The following RASAL2 variants were observed in gnomAD, a reference collection of about 807,000 sequenced individuals.
RASAL2 encodes the protein RAS protein activator like 2.
RASAL2 carries 58 observed loss-of-function variants against 128.9 expected under a neutral mutation model. That is an observed-to-expected ratio of 0.45 (90% CI 0.36 to 0.56). The LOEUF is 0.56. RASAL2 is among the 20% of genes least tolerant of loss of function. The pLI, the probability that RASAL2 is intolerant of heterozygous loss-of-function variation, is 0.00. For missense variants in RASAL2, 1,360 were observed against 1,601.6 expected, an observed-to-expected ratio of 0.85 and a Z score of 2.57; for synonymous variants, 561 against 580.8, an observed-to-expected ratio of 0.97 and a Z score of 0.49.
chr1:178,458,055 G>C lies in RASAL2; in HGVS notation c.2763G>C (p.Ser921=). The change falls in exon 14 of 18, where the codon TCG becomes TCC. Residue 921 remains serine, a synonymous_variant. Coordinates refer to ENST00000367649, the MANE Select transcript of RASAL2 (RefSeq NM_170692.4). ...LNQPGGLQPL[S]FQNPVYHLNN... ...AGCCAGGTGGCCTTCAGCCCTTGTC[G>C]TTCCAGAACCCTGTCTATCACCTCA... The C allele has an allele frequency of 6.2e-7, 1 of 1,614,116 alleles. No individual in the cohort carries two copies. Among genetic ancestry groups the C allele is most frequent in the South Asian group, 1.1e-5 (1 of 91,078 alleles).
intron 1 of RASAL2, among the ~76,000 whole-genome samples, chr1:178,252,980 G>T (rs554910844): frequency 6.6e-6 from 1 of 152,326 alleles, no homozygotes; most frequent in African/African-American, 2.4e-5. Context: ...TAGGACTGCT[G>T]TAAGAAATTA....
intron 1 of RASAL2, among the ~76,000 whole-genome samples, chr1:178,263,083 T>C (rs912308881): frequency 1.3e-5 from 2 of 152,160 alleles, no homozygotes; most frequent in Non-Finnish European, 2.9e-5. Flanking sequence ...TGCAGTACTT[T>C]TTTTCCTCAG....
chr1:178,329,121 G>A (rs1446032075), intron 3 of RASAL2, among the ~76,000 whole-genome samples: 1 of 152,188 alleles, frequency 6.6e-6, no homozygotes, highest in Non-Finnish European at 1.5e-5. Context: ...TGCCTTCAGG[G>A]AACTTACATT....
intron 1 of RASAL2, among the ~76,000 whole-genome samples, chr1:178,173,077 A>T (rs1187430195): frequency 6.6e-6 from 1 of 152,100 alleles, no homozygotes; most frequent in Admixed American, 6.6e-5. Flanking sequence ...TTGTGGGAAT[A>T]TCCATGCATT....
intron 1 of RASAL2, among the ~76,000 whole-genome samples, chr1:178,227,269 C>T (rs945700745): frequency 2.0e-5 from 3 of 151,952 alleles, no homozygotes. Flanking sequence ...TACAGTTTAG[C>T]GTCTTGTCTT....
chr1:178,247,578 CA>C (rs1207407138), intron 1 of RASAL2, among the ~76,000 whole-genome samples: 2 of 152,084 alleles, frequency 1.3e-5, no homozygotes, highest in Admixed American at 6.5e-5. Context: ...TTCAGTTCTG[CA>C]CTGATCTTAG....
chr1:178,352,432 T>C (rs1463852425), intron 3 of RASAL2, among the ~76,000 whole-genome samples: 2 of 152,182 alleles, frequency 1.3e-5, no homozygotes, highest in East Asian at 1.9e-4. Context: ...GACACACTGA[T>C]GTGAGAGGTG....
At chr1:178,131,714 A>G (rs1386783322) in intron 1 of RASAL2, among the ~76,000 whole-genome samples, 8 of 152,170 alleles carry the variant, frequency 5.3e-5, no homozygotes, top group Admixed American at 5.2e-4. Flanking sequence ...TAGGTGAGTT[A>G]TCCCCAAGGA....
chr1:178,450,509 G>T (rs1267896979), intron 9 of RASAL2, among the ~76,000 whole-genome samples: 2 of 152,058 alleles, frequency 1.3e-5, no homozygotes, highest in South Asian at 4.1e-4. Flanking sequence ...CCTGTCACGG[G>T]TATTTTTAAA....
chr1:178,178,454 T>C (rs1350584100), intron 1 of RASAL2, among the ~76,000 whole-genome samples: 1 of 152,162 alleles, frequency 6.6e-6, no homozygotes, highest in Admixed American at 6.5e-5. Context: ...TTTGGAAGCC[T>C]CCATGTAATC....
intron 1 of RASAL2, among the ~76,000 whole-genome samples, chr1:178,103,573 T>C (rs1301987919): frequency 6.6e-6 from 1 of 152,076 alleles, no homozygotes; most frequent in East Asian, 1.9e-4. Context: ...TGTCTTAATT[T>C]AATTTTTTTT....
intron 1 of RASAL2, among the ~76,000 whole-genome samples, chr1:178,181,697 C>T (rs967925456): frequency 4.0e-5 from 6 of 151,676 alleles, no homozygotes; most frequent in Non-Finnish European, 8.8e-5. Flanking sequence ...GTCTCTCAGG[C>T]GTTCTTTATT....
At chr1:178,108,600 G>T (rs1659184826) in intron 1 of RASAL2, among the ~76,000 whole-genome samples, 2 of 152,254 alleles carry the variant, frequency 1.3e-5, no homozygotes, top group Admixed American at 6.5e-5. Context: ...GGCTGATGCG[G>T]GATTTGAATC....
intron 5 of RASAL2, among the ~76,000 whole-genome samples, chr1:178,432,024 G>A (rs2102799670): frequency 6.6e-6 from 1 of 151,444 alleles, no homozygotes; most frequent in Non-Finnish European, 1.5e-5. Flanking sequence ...CCTTTCTATA[G>A]GAGGTTGTGG....
chr1:178,236,646 G>A (rs542754104), intron 1 of RASAL2, among the ~76,000 whole-genome samples: 38 of 151,172 alleles, frequency 2.5e-4, no homozygotes, highest in Non-Finnish European at 4.6e-4. Context: ...ATGATTGGTA[G>A]TTTATTTCAC....
intron 4 of RASAL2, among the ~76,000 whole-genome samples, chr1:178,417,064 G>T (rs537582458): frequency 6.6e-6 from 1 of 150,764 alleles, no homozygotes; most frequent in East Asian, 1.9e-4. Flanking sequence ...ATTAATTTGG[G>T]GAAATTCTCA....
intron 1 of RASAL2, among the ~76,000 whole-genome samples, chr1:178,129,748 G>T (rs998380797): frequency 1.5e-4 from 22 of 151,714 alleles, no homozygotes; most frequent in Middle Eastern, 3.4e-3. Flanking sequence ...GTTAATTTTT[G>T]TGTATGATTA....
At chr1:178,278,488 A>C (rs1295085784) in intron 1 of RASAL2, among the ~76,000 whole-genome samples, 3 of 152,130 alleles carry the variant, frequency 2.0e-5, no homozygotes, top group Admixed American at 2.0e-4. Flanking sequence ...TTCTCCTCTC[A>C]ATAGGTTCAT....
At chr1:178,204,700 T>A (rs1401056452) in intron 1 of RASAL2, among the ~76,000 whole-genome samples, 1 of 152,232 alleles carries the variant, frequency 6.6e-6, no homozygotes, top group South Asian at 2.1e-4. Flanking sequence ...AAATCCATCC[T>A]ATATTCTGTA....
Sources: allele counts gnomAD v4.1 joint callset (sites outside exome capture counted in the v4.1 genomes callset), GRCh38; gene constraint gnomAD v4.1.1; transcripts MANE v1.5; gene names NCBI Gene and HGNC (gene_info 2026-07-23, HGNC 2026-07-21).